Variants in CLEC16A observed in about 807,000 individuals in gnomAD.
CLEC16A encodes protein CLEC16A.
A neutral mutation model predicts 109.5 loss-of-function variants in CLEC16A; 51 were observed. The observed-to-expected ratio is 0.47, with a 90% CI of 0.37 to 0.59. The LOEUF (loss-of-function observed/expected upper bound fraction) is 0.59, where lower values mean the gene tolerates loss of function less well. Among genes scored for constraint, CLEC16A ranks in the 20% least tolerant of loss-of-function variants. The pLI is 0.00. For missense variants in CLEC16A, 1,339 were observed against 1,394.0 expected (o/e 0.96, Z 0.63); for synonymous variants, 673 against 564.2 (o/e 1.19, Z -2.73).
At chr16:11,075,430 G>C (rs34761540) in intron 19 of CLEC16A, among the ~76,000 whole-genome samples, 4 of 123,610 alleles carry the variant, frequency 3.2e-5, no homozygotes, top group South Asian at 4.7e-4. Context: ...GTGTGTGTAT[G>C]TGTGTGTGTG....
chr16:11,092,166 C>CA (rs1597358529), intron 19 of CLEC16A, among the ~76,000 whole-genome samples: 1 of 152,024 alleles, frequency 6.6e-6, no homozygotes, highest in African/African-American at 2.4e-5. Flanking sequence ...GGCAACATGG[C>CA]AAAACTCCAT....
At chr16:11,071,276 G>A (rs1275499813) in intron 19 of CLEC16A, among the ~76,000 whole-genome samples, 2 of 152,180 alleles carry the variant, frequency 1.3e-5, no homozygotes, top group Non-Finnish European at 2.9e-5. Context: ...CCCAGGCATT[G>A]TCATGTGCCT....
In CLEC16A at chr16:10,954,078, G is replaced by T. The variant is rs1222353655; in HGVS notation, c.81-3704G>T. On this transcript the variant is annotated intron_variant, in intron 1 of 23. Coordinates refer to ENST00000409790, the MANE Select transcript of CLEC16A (RefSeq NM_015226.3). The surrounding 1 kb of genome is among the most constrained non-coding windows in gnomAD (Gnocchi z 4.2). ...TGAACAGGCACCCGGTTTCACTACT[G>T]GAAGAAAGCCCCCACGCAATATCAC... Among the ~76,000 whole-genome samples, 1 of 152,068 alleles carries T rather than the reference G, an allele frequency of 6.6e-6. No individual in the cohort carries two copies. The highest frequency in any genetic ancestry group is 1.5e-5 in the Non-Finnish European group (1 of 68,038).
chr16:11,066,571 T>G (rs141604860), intron 19 of CLEC16A: 1 of 152,358 alleles, frequency 6.6e-6, no homozygotes, highest in East Asian at 1.9e-4. Flanking sequence ...CGCTACTTCA[T>G]AGATTCAGAA....
intron 19 of CLEC16A, among the ~76,000 whole-genome samples, chr16:11,112,689 A>G (rs2051680086): frequency 6.6e-6 from 1 of 152,152 alleles, no homozygotes; most frequent in Non-Finnish European, 1.5e-5. Flanking sequence ...ATACACACAC[A>G]CATACATATG....
chr16:11,125,584 G>A (rs900520912), intron 21 of CLEC16A, among the ~76,000 whole-genome samples: 1 of 152,228 alleles, frequency 6.6e-6, no homozygotes, highest in East Asian at 1.9e-4. Flanking sequence ...ACATACACAC[G>A]TATACGTGTG....
At chr16:10,966,252 A>G (rs147460044) in intron 3 of CLEC16A, among the ~76,000 whole-genome samples, 1 of 152,364 alleles carries the variant, frequency 6.6e-6, no homozygotes, top group African/African-American at 2.4e-5. Flanking sequence ...CATTGCATAC[A>G]CAGCAACCTG....
At chr16:11,171,416 C>T (rs2140990783) in intron 23 of CLEC16A, among the ~76,000 whole-genome samples, 1 of 152,330 alleles carries the variant, frequency 6.6e-6, no homozygotes, top group South Asian at 2.1e-4. Context: ...CAACTGTGCC[C>T]CAGGGCACTT....
In CLEC16A at chr16:10,955,083, G is replaced by C. The variant is rs183856396; in HGVS notation, c.81-2699G>C. Among the ~76,000 whole-genome samples, 8 of 152,276 alleles carry C rather than the reference G, an allele frequency of 5.3e-5. 1 individual carries two copies. The highest frequency in any genetic ancestry group is 2.0e-4 in the Admixed American group (3 of 15,298). On this transcript the variant is annotated intron_variant, in intron 1 of 23. Coordinates refer to ENST00000409790, the MANE Select transcript of CLEC16A (RefSeq NM_015226.3). ...CTGTGTAGAATCTGAGCTGCAGAGA[G>C]GTGAAGCGCCTTGTCCAAGGCCACA...
chr16:11,061,411 A>G (rs1269654296), intron 19 of CLEC16A, among the ~76,000 whole-genome samples: 1 of 152,224 alleles, frequency 6.6e-6, no homozygotes, highest in Non-Finnish European at 1.5e-5. Flanking sequence ...GCTGCTAAAG[A>G]AAGAAACTTG....
At chr16:11,130,735 A>G (rs530988252) in intron 22 of CLEC16A, among the ~76,000 whole-genome samples, 14 of 152,214 alleles carry the variant, frequency 9.2e-5, no homozygotes, top group Admixed American at 5.2e-4. Context: ...CGCACAGCGC[A>G]TGGAGTCCTT....
intron 19 of CLEC16A, among the ~76,000 whole-genome samples, chr16:11,066,988 A>T (rs7205128): frequency 4.6e-5 from 7 of 152,082 alleles, no homozygotes; most frequent in South Asian, 2.1e-4. Context: ...AGTCATTTTT[A>T]AAAAAAGCAT....
intron 19 of CLEC16A, among the ~76,000 whole-genome samples, chr16:11,070,074 AT>A (rs35348492): frequency 0.65 from 93,441 of 143,558 alleles, 31,181 homozygotes; most frequent in African/African-American, 0.86. Context: ...AACTGCCACC[AT>A]TTTTTTTTTT....
intron 9 of CLEC16A, among the ~76,000 whole-genome samples, chr16:10,979,902 C>T (rs1201602355): frequency 6.6e-6 from 1 of 152,088 alleles, no homozygotes; most frequent in Non-Finnish European, 1.5e-5. Context: ...TGTCTTGAGC[C>T]AATTTATCTC....
intron 19 of CLEC16A, among the ~76,000 whole-genome samples, chr16:11,102,957 G>C (rs966788807): frequency 1.3e-5 from 2 of 152,270 alleles, no homozygotes; most frequent in African/African-American, 4.8e-5. Flanking sequence ...AAGGGGCAGA[G>C]CTCAGTCTAA....
chr16:11,006,402 C>T (rs932215777), intron 11 of CLEC16A, among the ~76,000 whole-genome samples: 1 of 152,240 alleles, frequency 6.6e-6, no homozygotes, highest in African/African-American at 2.4e-5. Context: ...CTCCCCTTCT[C>T]TCTCAAGGCC....
intron 19 of CLEC16A, among the ~76,000 whole-genome samples, chr16:11,076,778 A>G (rs1405405527): frequency 5.3e-5 from 8 of 152,098 alleles, no homozygotes; most frequent in African/African-American, 1.4e-4. Context: ...TGGCCTGCCA[A>G]TTGCCCCAGA....
intron 16 of CLEC16A, 120 bp from the exon 17 acceptor site, chr16:11,047,172 G>A (rs762713371): frequency 8.4e-6 from 5 of 594,442 alleles, no homozygotes; most frequent in Admixed American, 3.7e-5. Context: ...GGTGATTTAC[G>A]AGAACTCACT....
intron 22 of CLEC16A, among the ~76,000 whole-genome samples, chr16:11,148,825 C>G (rs1215454399): frequency 6.6e-6 from 1 of 152,182 alleles, no homozygotes; most frequent in Non-Finnish European, 1.5e-5. Flanking sequence ...AGAATGCTCT[C>G]CCTCCTGTGA....
Sources: allele counts gnomAD v4.1 joint callset (sites outside exome capture counted in the v4.1 genomes callset), GRCh38; gene constraint gnomAD v4.1.1; non-coding constraint Gnocchi (gnomAD v3.1); transcripts MANE v1.5; gene names NCBI Gene and HGNC (gene_info 2026-07-23, HGNC 2026-07-21).